FRMD4A: variants seen among roughly 807,000 people sequenced by gnomAD.
The protein encoded by FRMD4A is FERM domain containing 4A, also known as FERM domain-containing protein 4A.
In FRMD4A, 29 loss-of-function variants were observed where a neutral mutation model predicts 129.1. That is an observed-to-expected ratio of 0.22 (90% confidence interval 0.17 to 0.31). The LOEUF (loss-of-function observed/expected upper bound fraction) is 0.31. Ranked by LOEUF, FRMD4A falls within the 10% of genes least tolerant of loss-of-function variation. The probability of loss-of-function intolerance (pLI) is 1.00; values close to 1 mark genes in which losing one functional copy is unlikely to be tolerated. For synonymous variants in FRMD4A, 634 were observed against 571.6 expected, an observed-to-expected ratio of 1.11 and a Z score of -1.56; for missense variants, 1,272 against 1,375.8, an observed-to-expected ratio of 0.92 and a Z score of 1.19.
At chr10:13,712,531 A>G (rs1414182430) in intron 12 of FRMD4A, among the ~76,000 whole-genome samples, 1 of 151,754 alleles carries the variant, frequency 6.6e-6, no homozygotes, top group East Asian at 1.9e-4. Flanking sequence ...AAAAAAGAGC[A>G]ACAACAAAAA....
intron 2 of FRMD4A, among the ~76,000 whole-genome samples, chr10:14,312,245 T>C (rs573404673): frequency 3.3e-5 from 5 of 152,314 alleles, no homozygotes; most frequent in Admixed American, 2.0e-4. Context: ...CATTTGCCAC[T>C]TGAATTCTGT....
intron 5 of FRMD4A, among the ~76,000 whole-genome samples, chr10:13,784,721 G>T (rs2092812659): frequency 6.6e-6 from 1 of 152,160 alleles, no homozygotes; most frequent in South Asian, 2.1e-4. Flanking sequence ...AGGCGCGGTG[G>T]CTCACACCTG....
chr10:13,646,441 C>T lies in FRMD4A; in HGVS notation c.*597G>A, dbSNP rs1409947240. The T allele has an allele frequency of 1.3e-5, 2 of 152,490 alleles. No individual in the cohort carries two copies. The highest frequency in any genetic ancestry group is 2.4e-5 in the African/African-American group (1 of 41,452). 9.4% of individuals were successfully genotyped at this position (152,490 alleles called of 1,614,324 possible). ...CCCCATAGCCATCCCCACAAGCTGT[C>T]CCATCAAGGAATATTTCAGGTGTAA... On this transcript the variant is annotated 3_prime_UTR_variant, in exon 25 of 25. Coordinates refer to ENST00000357447, the MANE Select transcript of FRMD4A (RefSeq NM_018027.5).
chr10:13,694,431 G>A (rs562211934), intron 14 of FRMD4A, among the ~76,000 whole-genome samples: 1 of 152,294 alleles, frequency 6.6e-6, no homozygotes, highest in Admixed American at 6.5e-5. Flanking sequence ...AGTGTGGGAA[G>A]GGTGTTCCTC....
intron 2 of FRMD4A, among the ~76,000 whole-genome samples, chr10:13,988,725 C>G (rs866029746): frequency 6.6e-6 from 1 of 152,140 alleles, no homozygotes; most frequent in Non-Finnish European, 1.5e-5. Flanking sequence ...GATGGATGAA[C>G]AGAGAGATCT....
chr10:13,852,325 C>T (rs905705165), intron 3 of FRMD4A, among the ~76,000 whole-genome samples: 2 of 151,908 alleles, frequency 1.3e-5, no homozygotes, highest in African/African-American at 4.8e-5. Flanking sequence ...CTCACTGCAA[C>T]TTCCACCTCC....
chr10:13,927,304 T>G (rs1283376116), intron 2 of FRMD4A, among the ~76,000 whole-genome samples: 1 of 152,126 alleles, frequency 6.6e-6, no homozygotes, highest in Admixed American at 6.6e-5. Context: ...GTGTCATCAT[T>G]TGCTCCCCTA....
chr10:13,835,903 G>T (rs1402620471), intron 3 of FRMD4A, among the ~76,000 whole-genome samples: 2 of 152,164 alleles, frequency 1.3e-5, no homozygotes, highest in Non-Finnish European at 2.9e-5. Flanking sequence ...TGCCAAAAAG[G>T]TTGGGGACCA....
intron 2 of FRMD4A, among the ~76,000 whole-genome samples, chr10:13,980,535 G>T (rs2095556936): frequency 6.6e-6 from 1 of 152,080 alleles, no homozygotes; most frequent in Non-Finnish European, 1.5e-5. Context: ...TTCGAGACCA[G>T]CCTGGGCAAC....
At chr10:14,290,769 G>T (rs562007543) in intron 2 of FRMD4A, among the ~76,000 whole-genome samples, 22 of 152,106 alleles carry the variant, frequency 1.4e-4, no homozygotes, top group South Asian at 1.2e-3. Flanking sequence ...CATAGCAAAG[G>T]ATACTCAAAC....
chr10:13,664,327 G>A (rs1182927171), intron 18 of FRMD4A, among the ~76,000 whole-genome samples: 1 of 152,152 alleles, frequency 6.6e-6, no homozygotes, highest in East Asian at 1.9e-4. Flanking sequence ...ACCCCTAAGT[G>A]CCTTGGAGGG....
chr10:13,992,171 A>G (rs1377143224), intron 2 of FRMD4A, among the ~76,000 whole-genome samples: 1 of 152,242 alleles, frequency 6.6e-6, no homozygotes, highest in African/African-American at 2.4e-5. Flanking sequence ...TGATACTAAG[A>G]TACCATCCTA....
intron 2 of FRMD4A, among the ~76,000 whole-genome samples, chr10:14,192,506 T>C (rs1842349310): frequency 6.6e-6 from 1 of 152,208 alleles, no homozygotes; most frequent in South Asian, 2.1e-4. Flanking sequence ...TTCCTCCACA[T>C]TCCTTTTATT....
At chr10:13,679,440 A>AT (rs2084293505) in intron 15 of FRMD4A, among the ~76,000 whole-genome samples, 4 of 50,046 alleles carry the variant, frequency 8.0e-5, no homozygotes, top group Non-Finnish European at 1.4e-4. Context: ...AAAAAAAAAA[A>AT]AAAAAAAAAA....
chr10:13,689,549 C>CTTTTTTTTTTTTTTTTTTTT (rs34800095), intron 15 of FRMD4A, among the ~76,000 whole-genome samples: 89 of 128,612 alleles, frequency 6.9e-4, no homozygotes, highest in African/African-American at 2.6e-3. Flanking sequence ...TTAGAAGATT[C>CTTTTTTTTTTTTTTTTTTTT]TTTTTTTTTT....
intron 2 of FRMD4A, among the ~76,000 whole-genome samples, chr10:14,057,987 G>C (rs547662551): frequency 2.0e-5 from 3 of 152,344 alleles, no homozygotes; most frequent in African/African-American, 4.8e-5. Context: ...GAAATAAAAA[G>C]AGAGCTCTGG....
intron 12 of FRMD4A, among the ~76,000 whole-genome samples, chr10:13,730,001 A>T (rs1425710254): frequency 6.6e-6 from 1 of 152,146 alleles, no homozygotes; most frequent in African/African-American, 2.4e-5. Flanking sequence ...AGGTCTCTTT[A>T]TTCTAACTCT....
intron 2 of FRMD4A, among the ~76,000 whole-genome samples, chr10:13,988,655 G>A (rs2095591279): frequency 6.6e-6 from 1 of 152,186 alleles, no homozygotes. Flanking sequence ...CCGATGGATA[G>A]ATACCGATAG....
chr10:14,029,448 A>T (rs190948576), intron 2 of FRMD4A, among the ~76,000 whole-genome samples: 4 of 152,218 alleles, frequency 2.6e-5, no homozygotes, highest in African/African-American at 9.6e-5. Context: ...CCTCAACTAG[A>T]TTAATTCAGT....
Sources: allele counts gnomAD v4.1 joint callset (sites outside exome capture counted in the v4.1 genomes callset), GRCh38; gene constraint gnomAD v4.1.1; transcripts MANE v1.5; gene names NCBI Gene and HGNC (gene_info 2026-07-23, HGNC 2026-07-21).